WARS2: variants seen among roughly 807,000 people sequenced by gnomAD.
WARS2 encodes tryptophanyl tRNA synthetase 2, mitochondrial, also known as tryptophan--tRNA ligase, mitochondrial.
A neutral mutation model predicts 36.5 loss-of-function variants in WARS2; 28 were observed. The observed-to-expected ratio is 0.77, with a 90% CI of 0.57 to 1.05. The LOEUF (loss-of-function observed/expected upper bound fraction) is 1.05, where lower values mean the gene tolerates loss of function less well. WARS2 is among the 50% of genes least tolerant of loss of function. The probability of loss-of-function intolerance (pLI) is 0.00; values close to 1 mark genes in which losing one functional copy is unlikely to be tolerated. For missense variants in WARS2, 435 were observed against 456.8 expected (o/e 0.95, Z 0.44); for synonymous variants, 174 against 178.4 (o/e 0.98, Z 0.20).
At chr1:119,133,184 T>C (rs1031391322) in intron 1 of WARS2, among the ~76,000 whole-genome samples, 1 of 152,236 alleles carries the variant, frequency 6.6e-6, no homozygotes, top group Non-Finnish European at 1.5e-5. Flanking sequence ...AAGGTAATCC[T>C]AGTGGTAGTA....
chr1:119,124,437 C>A (rs957624588), intron 1 of WARS2, among the ~76,000 whole-genome samples: 2 of 151,968 alleles, frequency 1.3e-5, no homozygotes, highest in African/African-American at 4.8e-5. Flanking sequence ...TTGCAGTGAG[C>A]CGAGATAGTG....
chr1:119,111,197 T>G (rs1267088064), intron 1 of WARS2, among the ~76,000 whole-genome samples: 2 of 152,176 alleles, frequency 1.3e-5, no homozygotes, highest in Non-Finnish European at 2.9e-5. Context: ...GTCTTGTAAC[T>G]TTTTGTTCAA....
chr1:119,072,788 T>C (rs1423845854), intron 2 of WARS2, among the ~76,000 whole-genome samples: 1 of 152,210 alleles, frequency 6.6e-6, no homozygotes, highest in Admixed American at 6.5e-5. Flanking sequence ...CCTGAATTTA[T>C]AGTGGCATGC....
At chr1:119,065,418 G>A (rs1650748460) in intron 2 of WARS2, among the ~76,000 whole-genome samples, 1 of 151,952 alleles carries the variant, frequency 6.6e-6, no homozygotes, top group African/African-American at 2.4e-5. Flanking sequence ...GATCACTTGA[G>A]GTCAGGAGTT....
intron 2 of WARS2, among the ~76,000 whole-genome samples, chr1:119,068,854 T>TACACAC (rs34605879): frequency 4.7e-5 from 7 of 148,722 alleles, no homozygotes; most frequent in Admixed American, 3.4e-4. Context: ...CACACACACA[T>TACACAC]ACACACACAC....
chr1:119,131,458 G>GTTTTTTTTT lies in WARS2; in HGVS notation c.90+9096_90+9097insAAAAAAAAA, dbSNP rs761800862. ...GGATCCGGACTGTGCAAAGTTTTTT[G>GTTTTTTTTT]TTTTTTGTTTTTTTTTTTTTTGAGA... is the stretch of plus-strand genomic sequence containing the variant. On this transcript the variant is annotated intron_variant, in intron 1 of 5. Transcript: ENST00000235521. 3.9e-4 allele frequency among the ~76,000 whole-genome samples: 52 copies of GTTTTTTTTT among 134,298 alleles called. 4 individuals carry two copies. Among genetic ancestry groups the GTTTTTTTTT allele is most frequent in the African/African-American group, 4.7e-4 (16 of 34,132 alleles). The allele number at this position is 134,298 out of a possible 152,430, so 88.1% of individuals were successfully genotyped here. A position where few individuals can be genotyped will look rare whatever the true frequency, so the allele number is the denominator to read the frequency against.
At chr1:119,076,690 C>A (rs1044321893) in intron 1 of WARS2, 83 bp from the exon 2 acceptor site, 1 of 1,550,646 alleles carries the variant, frequency 6.4e-7, no homozygotes, top group Non-Finnish European at 8.7e-7. Context: ...GCTATGGGAG[C>A]TAGTTATATT....
intron 1 of WARS2, among the ~76,000 whole-genome samples, chr1:119,115,296 CT>C (rs1261382287): frequency 2.0e-5 from 3 of 152,050 alleles, no homozygotes; most frequent in Non-Finnish European, 4.4e-5. Flanking sequence ...AAAATATGGT[CT>C]TTTTTTGAAG....
chr1:119,124,362 C>T (rs997186290), intron 1 of WARS2, among the ~76,000 whole-genome samples: 3 of 151,930 alleles, frequency 2.0e-5, no homozygotes, highest in South Asian at 2.1e-4. Context: ...GTATGGTGTG[C>T]GCCTGTAGTC....
Position 119,033,118 on chromosome 1 carries a change from G to T in WARS2, c.876C>A (p.Arg292=). The T allele has an allele frequency of 1.2e-6, 2 of 1,614,158 alleles. No individual in the cohort carries two copies. The change falls in exon 6 of 6, where the codon CGC becomes CGA. Residue 292 remains arginine, a synonymous_variant. Transcript: ENST00000235521. The part of the protein sequence containing the change: ...VTGLSVEEVV[R]RSAGMNTARY... ...GAGCAGTGTTCATGCCCGCGCTGCG[G>T]CGCACCACTTCCTCCACGGAGAGCC...
At chr1:119,050,673 C>CA (rs1455546707) in intron 2 of WARS2, among the ~76,000 whole-genome samples, 1 of 151,754 alleles carries the variant, frequency 6.6e-6, no homozygotes, top group African/African-American at 2.4e-5. Flanking sequence ...ATAACAAAAA[C>CA]ATACTAGTGT....
At chr1:119,066,643 GA>G (rs1650898768) in intron 2 of WARS2, among the ~76,000 whole-genome samples, 1 of 151,956 alleles carries the variant, frequency 6.6e-6, no homozygotes, top group South Asian at 2.1e-4. Flanking sequence ...GAAAACAAAG[GA>G]GTTAAAACAT....
chr1:119,045,198 T>C (rs920535567), intron 3 of WARS2, among the ~76,000 whole-genome samples: 8 of 152,206 alleles, frequency 5.3e-5, no homozygotes, highest in Non-Finnish European at 1.2e-4. Flanking sequence ...TTGTCTCTTC[T>C]CTCCACAATG....
At chr1:119,073,909 G>A (rs587667396) in intron 2 of WARS2, among the ~76,000 whole-genome samples, 4 of 152,312 alleles carry the variant, frequency 2.6e-5, no homozygotes, top group African/African-American at 7.2e-5. Context: ...CAAAGTGCAA[G>A]TATAGGATGT....
At chr1:119,075,495 G>C (rs993397104) in intron 2 of WARS2, among the ~76,000 whole-genome samples, 1 of 152,014 alleles carries the variant, frequency 6.6e-6, no homozygotes, top group Admixed American at 6.6e-5. Flanking sequence ...TGCTCTGTAA[G>C]AATCATTACA....
intron 1 of WARS2, chr1:119,082,471 A>C (rs1652272674): frequency 1.0e-6 from 1 of 984,928 alleles, no homozygotes; most frequent in South Asian, 4.7e-5. Context: ...AATCATAGGC[A>C]TCATTTTCTA....
At chr1:119,134,924 G>A (rs1026875169) in intron 1 of WARS2, among the ~76,000 whole-genome samples, 6 of 152,160 alleles carry the variant, frequency 3.9e-5, no homozygotes, top group African/African-American at 1.4e-4. Flanking sequence ...TAGAGGCTAG[G>A]TTAGTTACAA....
intron 2 of WARS2, chr1:119,047,512 C>A (rs1470263461): frequency 6.6e-6 from 1 of 152,182 alleles, no homozygotes; most frequent in Non-Finnish European, 1.5e-5. Flanking sequence ...CTGCAGAGAT[C>A]TTCCTGGTGT....
intron 1 of WARS2, among the ~76,000 whole-genome samples, chr1:119,089,324 T>C (rs1282338762): frequency 1.3e-5 from 2 of 152,176 alleles, no homozygotes; most frequent in Non-Finnish European, 2.9e-5. Context: ...CAACCACATT[T>C]GCATCATCAG....
Sources: gnomAD v4.1 joint callset for allele counts (sites outside exome capture counted in the v4.1 genomes callset) on GRCh38, gnomAD v4.1.1 for gene constraint, MANE v1.5 for transcripts, NCBI Gene and HGNC (gene_info 2026-07-23, HGNC 2026-07-21) for gene names.